The following TCOF1 variants were observed in gnomAD, a reference collection of about 807,000 sequenced individuals.
TCOF1 encodes the protein treacle ribosome biogenesis factor 1.
TCOF1 carries 33 observed loss-of-function variants against 149.0 expected under a neutral mutation model. That is an observed-to-expected ratio of 0.22 (90% CI 0.17 to 0.30). The LOEUF is 0.30. TCOF1 is among the 10% of genes least tolerant of loss of function. The pLI is 1.00. For missense variants in TCOF1, 1,728 were observed against 1,840.7 expected, an observed-to-expected ratio of 0.94 and a Z score of 1.12; for synonymous variants, 789 against 738.8, an observed-to-expected ratio of 1.07 and a Z score of -1.10.
Position 150,387,968 on chromosome 5 carries a change from G to T in TCOF1, c.2926G>T (p.Ala976Ser). 1 of 1,613,904 alleles carries T rather than the reference G, an allele frequency of 6.2e-7. No individual in the cohort carries two copies. Residue 976 changes from alanine (A) to serine (S), a missense_variant, in exon 18 of 27, where the codon GCA becomes TCA. By Grantham distance (99) the Ala-to-Ser change is moderately conservative (BLOSUM62 1). Transcript: ENST00000643257. ...RSPAGPAATP[A>S]QAQAASTPRK... ...TCCAGCTGGCCCAGCTGCTACACCC[G>T]CACAAGCCCAGGCTGCAAGCACCCC...
intron 4 of TCOF1, chr5:150,368,488 G>T: frequency 1.7e-6 from 1 of 575,514 alleles, no homozygotes; most frequent in Admixed American, 3.0e-5. Flanking sequence ...TTACCACTTA[G>T]TAAATAACTA....
intron 17 of TCOF1, chr5:150,384,027 A>C: frequency 7.3e-7 from 1 of 1,372,842 alleles, no homozygotes; most frequent in Non-Finnish European, 9.4e-7. Flanking sequence ...CAGGCACCTC[A>C]GAGCACCAGC....
At chr5:150,372,299 C>T (rs1762725678) in intron 7 of TCOF1, 63 bp downstream of exon 7, 1 of 1,416,670 alleles carries the variant, frequency 7.1e-7, no homozygotes, top group South Asian at 1.3e-5. Context: ...CCTGAGCACT[C>T]TGCCATGAGC....
intron 17 of TCOF1, chr5:150,385,198 A>G (rs188163196): frequency 6.5e-5 from 43 of 665,122 alleles, no homozygotes; most frequent in Non-Finnish European, 7.8e-5. Context: ...AACTTCTTCT[A>G]TTAGTTTGTC....
chr5:150,375,152 A>G lies in TCOF1; in HGVS notation c.1477A>G (p.Asn493Asp), dbSNP rs201006764. Reference protein sequence around the residue: ...DSDREALAAMNAAQVKPLGKS... With the variant: ...DSDREALAAMDAAQVKPLGKS... Reference sequence around the variant, plus strand: ...TGACAGAGAGGCACTGGCAGCCATGAATGCAGCTCAGGTGAGGCTGGAAGC... The same window carrying G: ...TGACAGAGAGGCACTGGCAGCCATGGATGCAGCTCAGGTGAGGCTGGAAGC... The change falls in exon 10 of 27, where the codon AAT (asparagine) becomes GAT (aspartate). Residue 493 changes from asparagine to aspartate, a missense_variant. Coordinates refer to ENST00000643257, the MANE Select transcript of TCOF1 (RefSeq NM_001371623.1). 6.2e-7 allele frequency: 1 copy of G among 1,613,248 alleles called. No individual in the cohort carries two copies. Among genetic ancestry groups the G allele is most frequent in the East Asian group, 2.2e-5 (1 of 44,802 alleles).
At chr5:150,372,558 C>T (rs1022925697) in intron 7 of TCOF1, among the ~76,000 whole-genome samples, 2 of 152,194 alleles carry the variant, frequency 1.3e-5, no homozygotes, top group Admixed American at 6.5e-5. Flanking sequence ...GCAAACACTA[C>T]GTTAGCTAAA....
intron 2 of TCOF1, among the ~76,000 whole-genome samples, chr5:150,362,428 G>A (rs1479984834): frequency 2.0e-5 from 3 of 152,184 alleles, no homozygotes; most frequent in Non-Finnish European, 2.9e-5. Context: ...TGGAAAGGAG[G>A]CAGGAGAGGG....
intron 1 of TCOF1, among the ~76,000 whole-genome samples, chr5:150,359,189 A>AT (rs1228824934): frequency 2.0e-5 from 3 of 152,086 alleles, no homozygotes; most frequent in African/African-American, 2.4e-5. Context: ...TCTACTAAAA[A>AT]TGCAAAAATT....
intron 4 of TCOF1, 126 bp from the exon 5 acceptor site, chr5:150,368,590 T>C: frequency 9.5e-7 from 1 of 1,051,808 alleles, no homozygotes; most frequent in South Asian, 1.3e-5. Context: ...GGGAAACAGA[T>C]TGAAGGGGTA....
In TCOF1 at chr5:150,379,715, G is replaced by T. The variant is rs181102251; in HGVS notation, c.2842G>T (p.Ala948Ser). The change falls in exon 17 of 27, where the codon GCT becomes TCT. Residue 948 changes from alanine to serine, a missense_variant. By Grantham distance (99) the Ala-to-Ser change is moderately conservative. Transcript: ENST00000643257. ...ESDSDGEAPA[A>S]VTSAQVIKPP... The stretch of plus-strand genomic sequence containing the variant: ...AGACAGTGATGGGGAGGCACCGGCA[G>T]CTGTGACCTCTGCCCAGGTAAGACT... 5.6e-4 allele frequency: 911 copies of T among 1,614,156 alleles called. 7 individuals are homozygous for T. In the East Asian group the frequency reaches 0.015, roughly 27 times the overall value.
At chr5:150,379,487 G>A (rs777980118) in intron 16 of TCOF1, 45 bp from the exon 17 acceptor site, 13 of 1,613,722 alleles carry the variant, frequency 8.1e-6, no homozygotes, top group Middle Eastern at 1.6e-4. Flanking sequence ...CTTCTCACAC[G>A]TCCACCCTCC....
chr5:150,391,769 C>T (rs1462599960), intron 20 of TCOF1, 112 bp downstream of exon 20: 1 of 1,222,870 alleles, frequency 8.2e-7, no homozygotes, highest in Admixed American at 2.0e-5. Context: ...ACTTGGTTTG[C>T]CTCCCTCGGC....
intron 4 of TCOF1, 188 bp downstream of exon 4, chr5:150,368,105 A>G (rs1479757808): frequency 6.5e-6 from 4 of 613,764 alleles, no homozygotes; most frequent in African/African-American, 1.8e-5. Flanking sequence ...CTTTTCTATA[A>G]AGATAAGGAT....
chr5:150,375,531 C>A lies in TCOF1; in HGVS notation c.1681C>A (p.Pro561Thr). The A allele has an allele frequency of 6.2e-7, 1 of 1,614,112 alleles. No homozygotes were observed. The highest frequency in any genetic ancestry group is 8.5e-7 in the Non-Finnish European group (1 of 1,179,988). ...ESSDSSDGEVPTAVAPAQEKS... is the reference protein window; with the variant it reads ...ESSDSSDGEVTTAVAPAQEKS... ...ATCAGACAGCAGTGATGGAGAGGTGCCCACAGCTGTGGCCCCGGCTCAGGT... is the reference window on the plus strand; with the variant it reads ...ATCAGACAGCAGTGATGGAGAGGTGACCACAGCTGTGGCCCCGGCTCAGGT... The change falls in exon 11 of 27, where the codon CCC becomes ACC. Residue 561 changes from proline (P) to threonine (T), a missense_variant. Pro to Thr is a conservative substitution (Grantham distance 38). Around this residue, in one of 2 missense-constraint regions of TCOF1, gnomAD observed 1,696 missense variants for 1,765.4 expected, o/e 0.96. Transcript: ENST00000643257.
chr5:150,376,031 G>A (rs774564245), intron 12 of TCOF1, 51 bp from the exon 13 acceptor site: 1 of 1,613,032 alleles, frequency 6.2e-7, no homozygotes, highest in Non-Finnish European at 8.5e-7. Flanking sequence ...GAACAGATGG[G>A]GGACTCTGAG....
At chr5:150,368,347 C>T (rs908002659) in intron 4 of TCOF1, 1 of 355,718 alleles carries the variant, frequency 2.8e-6, no homozygotes, top group Non-Finnish European at 5.2e-6. Flanking sequence ...GTGTCATTTT[C>T]TAATAATCCA....
chr5:150,376,745 CA>C, intron 14 of TCOF1, 125 bp downstream of exon 14: 1 of 929,442 alleles, frequency 1.1e-6, no homozygotes, highest in Non-Finnish European at 1.7e-6. Flanking sequence ...AGCCTCAACA[CA>C]GCTTCCTTCC....
chr5:150,368,216 G>A, intron 4 of TCOF1: 1 of 432,778 alleles, frequency 2.3e-6, no homozygotes, highest in Non-Finnish European at 4.3e-6. Flanking sequence ...AACAGATCTT[G>A]ACTAATACCT....
At position 150,392,163 on chromosome 5, in the gene TCOF1, A is replaced by T; in HGVS notation, c.3504A>T (p.Ser1168=). The T allele has an allele frequency of 6.2e-7, 1 of 1,614,062 alleles. No individual in the cohort carries two copies. The highest frequency in any genetic ancestry group is 1.3e-5 in the African/African-American group (1 of 75,062). Residue 1168 remains serine, a synonymous_variant, in exon 21 of 27, where the codon TCA becomes TCT. Coordinates refer to ENST00000643257, the MANE Select transcript of TCOF1 (RefSeq NM_001371623.1). ...GTGAAGGGCCCCAGGGGGCCAAGTC[A>T]GCCCACACGCTGGGTGAGGGTGCCA... ...EDGEGPQGAK[S]AHTLVGPTPS...
Sources: allele counts gnomAD v4.1 joint callset (sites outside exome capture counted in the v4.1 genomes callset), GRCh38; gene constraint gnomAD v4.1.1; regional missense constraint gnomAD v4.1.1; transcripts MANE v1.5; gene names NCBI Gene and HGNC (gene_info 2026-07-23, HGNC 2026-07-21).